DCK: variants seen among roughly 807,000 people sequenced by gnomAD.
DCK encodes the protein deoxyadenosine kinase.
In DCK, 23 loss-of-function variants were observed where a neutral mutation model predicts 38.3. The ratio of observed to expected loss-of-function variants is 0.60; its 90% CI spans 0.43 to 0.85. The LOEUF (loss-of-function observed/expected upper bound fraction) is 0.85, where lower values mean the gene tolerates loss of function less well. DCK is among the 40% of genes least tolerant of loss of function. DCK has a pLI of 0.00. For missense variants in DCK, 259 were observed against 304.4 expected, an observed-to-expected ratio of 0.85 and a Z score of 1.11; for synonymous variants, 108 against 100.6, an observed-to-expected ratio of 1.07 and a Z score of -0.44.
At chr4:70,999,578 A>G (rs1215264645) in intron 2 of DCK, among the ~76,000 whole-genome samples, 1 of 152,136 alleles carries the variant, frequency 6.6e-6, no homozygotes, top group Non-Finnish European at 1.5e-5. Flanking sequence ...CTGGTTCTAG[A>G]TCCTTGAGGA....
At chr4:71,001,660 A>G (rs2148912721) in intron 2 of DCK, among the ~76,000 whole-genome samples, 1 of 152,096 alleles carries the variant, frequency 6.6e-6, no homozygotes, top group Non-Finnish European at 1.5e-5. Context: ...TCAATTTCAG[A>G]ACTTTTTATT....
Position 71,025,908 on chromosome 4 carries a change from C to T in DCK, c.642C>T (p.Ser214=). ...AGAAGCTTCATTATAAACATGAAAG[C>T]TGGCTCCTGCATAGGACACTGAAGT... ...YLEKLHYKHE[S]WLLHRTLKTN... The change falls in exon 5 of 7, where the codon AGC becomes AGT. Residue 214 remains serine, a synonymous_variant. Transcript: ENST00000286648. 1 of 1,609,840 alleles carries T rather than the reference C, an allele frequency of 6.2e-7. No homozygotes were observed. Among genetic ancestry groups the T allele is most frequent in the Non-Finnish European group, 8.5e-7 (1 of 1,177,944 alleles).
At chr4:71,017,778 G>A (rs556481847) in intron 2 of DCK, among the ~76,000 whole-genome samples, 52 of 116,550 alleles carry the variant, frequency 4.5e-4, no homozygotes, top group African/African-American at 9.7e-4. Flanking sequence ...GGGGCCTGTT[G>A]TGGGGTGGGG....
chr4:71,030,538 T>C lies in DCK; in HGVS notation c.*1160T>C, dbSNP rs1026985851. 6.6e-6 allele frequency: 1 copy of C among 152,190 alleles called. No individual in the cohort carries two copies. Among genetic ancestry groups the C allele is most frequent in the Non-Finnish European group, 1.5e-5 (1 of 68,000 alleles). 9.4% of individuals were successfully genotyped at this position (152,190 alleles called of 1,614,324 possible). On this transcript the variant is annotated 3_prime_UTR_variant, in exon 7 of 7. Coordinates refer to ENST00000286648, the MANE Select transcript of DCK (RefSeq NM_000788.3). ...TTTGCAAAGGAGACTTAATTTCAAA[T>C]CTGTAATTACCATACATAAACTGTC... is the stretch of plus-strand genomic sequence containing the variant.
rs188823841 is a variant in DCK at position 71,022,163 on chromosome 4, G to T, written c.208-204G>T. Reference sequence around the variant, plus strand: ...AGGTTATTAGTTTGTAACCTCTTGTGAGAAAGATCTAAGGATTTTCCAGAC... The same window carrying T: ...AGGTTATTAGTTTGTAACCTCTTGTTAGAAAGATCTAAGGATTTTCCAGAC... On this transcript the variant is annotated intron_variant, in intron 2 of 6. Transcript: ENST00000286648. Among the ~76,000 whole-genome samples the T allele has an allele frequency of 1.9e-3, 284 of 152,298 alleles. 2 individuals carry two copies. The highest frequency in any genetic ancestry group is 6.6e-3 in the African/African-American group (276 of 41,572).
intron 2 of DCK, among the ~76,000 whole-genome samples, chr4:71,016,471 G>C (rs1417033174): frequency 2.0e-5 from 3 of 152,156 alleles, no homozygotes; most frequent in Admixed American, 2.0e-4. Context: ...AGCCCGCATT[G>C]CCAGGTAAAT....
chr4:71,010,446 A>G (rs1235170041), intron 2 of DCK, among the ~76,000 whole-genome samples: 1 of 150,968 alleles, frequency 6.6e-6, no homozygotes, highest in Non-Finnish European at 1.5e-5. Flanking sequence ...GTTTCCTTTT[A>G]GCTTATTTTT....
chr4:71,015,135 A>G (rs1386947211), intron 2 of DCK, among the ~76,000 whole-genome samples: 8 of 145,758 alleles, frequency 5.5e-5, no homozygotes, highest in Admixed American at 1.4e-4. Flanking sequence ...ACAGAATACT[A>G]TAAACACCTC....
At chr4:71,018,126 CT>C (rs35755135) in intron 2 of DCK, among the ~76,000 whole-genome samples, 76 of 126,814 alleles carry the variant, frequency 6.0e-4, no homozygotes, top group African/African-American at 1.9e-3. Flanking sequence ...TAGATTATTT[CT>C]TTTTTTTTTT....
rs1048845403 is a variant in DCK, at chr4:71,008,770, A to G, written c.207+10588A>G. 3.3e-5 allele frequency among the ~76,000 whole-genome samples: 5 copies of G among 152,262 alleles called. No homozygotes were observed. The South Asian group carries it at 8.3e-4, about 25-fold the overall frequency. ...ATTAACCAAGGGCACAGAAACTGAC[A>G]TATAAAACCAAAATGCCAAAAATTT... On this transcript the variant is annotated intron_variant, in intron 2 of 6. Transcript: ENST00000286648.
At chr4:71,015,414 T>A (rs1243724470) in intron 2 of DCK, among the ~76,000 whole-genome samples, 1 of 152,088 alleles carries the variant, frequency 6.6e-6, no homozygotes, top group Non-Finnish European at 1.5e-5. Context: ...AAAGAGGGAA[T>A]CCTCCCTAAC....
intron 2 of DCK, among the ~76,000 whole-genome samples, chr4:71,018,015 C>T (rs2148917803): frequency 6.6e-6 from 1 of 152,046 alleles, no homozygotes; most frequent in South Asian, 2.1e-4. Context: ...TTATTGTATG[C>T]ATGTACTATT....
chr4:70,996,259 A>T (rs1388528835), intron 1 of DCK, among the ~76,000 whole-genome samples: 2 of 151,050 alleles, frequency 1.3e-5, no homozygotes, highest in East Asian at 3.9e-4. Flanking sequence ...CTAGCTACTC[A>T]GGAGGCTGAG....
chr4:70,996,646 T>G (rs978435684), intron 1 of DCK, among the ~76,000 whole-genome samples: 18 of 152,262 alleles, frequency 1.2e-4, no homozygotes, highest in African/African-American at 4.3e-4. Context: ...ATGCACAAAT[T>G]GTTAAGCTGT....
At chr4:71,000,113 ATG>A (rs1339020360) in intron 2 of DCK, among the ~76,000 whole-genome samples, 5 of 152,158 alleles carry the variant, frequency 3.3e-5, no homozygotes, top group Non-Finnish European at 7.3e-5. Flanking sequence ...TATGTCCTGA[ATG>A]GTATTGCCTA....
chr4:71,000,382 G>T (rs781153495), intron 2 of DCK, among the ~76,000 whole-genome samples: 1 of 152,032 alleles, frequency 6.6e-6, no homozygotes, highest in African/African-American at 2.4e-5. Context: ...TTGGTCTATA[G>T]CTCTGTTTTG....
At chr4:71,001,398 A>T (rs1214648524) in intron 2 of DCK, among the ~76,000 whole-genome samples, 2 of 152,068 alleles carry the variant, frequency 1.3e-5, no homozygotes, top group Non-Finnish European at 2.9e-5. Context: ...CCAGTATTTT[A>T]TTGAGGATTT....
chr4:71,025,978 C>T, intron 5 of DCK, 47 bp downstream of exon 5: 1 of 1,460,474 alleles, frequency 6.8e-7, no homozygotes, highest in Admixed American at 2.5e-5. Context: ...CCTTTGTTAC[C>T]TTTGTTAAAT....
chr4:71,011,367 G>A (rs569442363), intron 2 of DCK, among the ~76,000 whole-genome samples: 6 of 151,012 alleles, frequency 4.0e-5, no homozygotes, highest in Non-Finnish European at 8.8e-5. Context: ...AACTTTTGTT[G>A]GCTTGTATTT....
Sources: allele counts gnomAD v4.1 joint callset (sites outside exome capture counted in the v4.1 genomes callset), GRCh38; gene constraint gnomAD v4.1.1; transcripts MANE v1.5; gene names NCBI Gene and HGNC (gene_info 2026-07-23, HGNC 2026-07-21).